The following MOB3B variants were observed in gnomAD, a reference collection of about 807,000 sequenced individuals.
The protein encoded by MOB3B is MOB kinase activator 3B, also known as MOB kinase activator-like 2B.
A neutral mutation model predicts 18.7 loss-of-function variants in MOB3B; 7 were observed. That is an observed-to-expected ratio of 0.37 (90% CI 0.21 to 0.70). The LOEUF (loss-of-function observed/expected upper bound fraction) is 0.70, where lower values mean the gene tolerates loss of function less well. MOB3B is among the 30% of genes least tolerant of loss of function. MOB3B has a pLI of 0.52. For synonymous variants in MOB3B, 111 were observed against 99.9 expected (o/e 1.11, Z -0.66); for missense variants, 253 against 281.3 (o/e 0.90, Z 0.72).
intron 2 of MOB3B, among the ~76,000 whole-genome samples, chr9:27,367,008 G>A (rs1190084273): frequency 6.6e-6 from 1 of 152,226 alleles, no homozygotes; most frequent in African/African-American, 2.4e-5. Context: ...CTTCAGGTCT[G>A]TTACCTGCTC....
chr9:27,371,774 G>A lies in MOB3B; in HGVS notation c.419-12538C>T, dbSNP rs769940603. ...AGCCTCTCAGCCTTAGCTGATTGTT[G>A]GCCAGCAGGAATATAGATCTAGGAC... On this transcript the variant is annotated intron_variant, in intron 2 of 3. Transcript: ENST00000262244. Among the ~76,000 whole-genome samples the A allele has an allele frequency of 5.3e-5, 8 of 152,008 alleles. No homozygotes were observed. The East Asian group carries it at 1.4e-3, about 26-fold the overall frequency.
chr9:27,389,727 C>T lies in MOB3B; in HGVS notation c.419-30491G>A, dbSNP rs552392743. Among the ~76,000 whole-genome samples the T allele has an allele frequency of 3.3e-5, 5 of 152,262 alleles. No individual in the cohort carries two copies. The South Asian group carries it at 1.0e-3, about 32-fold the overall frequency. On this transcript the variant is annotated intron_variant, in intron 2 of 3. Coordinates refer to ENST00000262244, the MANE Select transcript of MOB3B (RefSeq NM_024761.5). ...TGTATATGCTATGGAAACCACAGTG[C>T]TTGGTACATAGTAGTAAATAAATTA...
chr9:27,455,443 T>C lies in MOB3B; in HGVS notation c.108A>G (p.Ala36=). 3.1e-6 allele frequency: 5 copies of C among 1,614,258 alleles called. No individual in the cohort carries two copies. Among genetic ancestry groups the C allele is most frequent in the Non-Finnish European group, 4.2e-6 (5 of 1,180,046 alleles). ...QRFELHKRAQ[A]SLNSGVDLKA... ...TCAGGTCCACACCCGAGTTGAGGGA[T>C]GCCTGAGCCCGTTTGTGCAGCTCAA... The change falls in exon 2 of 4, where the codon GCA becomes GCG. Residue 36 remains alanine, a synonymous_variant. Transcript: ENST00000262244.
chr9:27,482,413 TG>T (rs892003681), intron 1 of MOB3B, among the ~76,000 whole-genome samples: 1 of 152,044 alleles, frequency 6.6e-6, no homozygotes. Flanking sequence ...AAAACGGCAA[TG>T]TTAAAAGGAA....
At chr9:27,341,639 CAGAG>C (rs1729762143) in intron 3 of MOB3B, among the ~76,000 whole-genome samples, 1 of 152,194 alleles carries the variant, frequency 6.6e-6, no homozygotes, top group Non-Finnish European at 1.5e-5. Flanking sequence ...CAAGCTCTCA[CAGAG>C]AGAAATTTGG....
At chr9:27,405,093 C>CTTTTTTTTTTTTTTTTTT in intron 2 of MOB3B, among the ~76,000 whole-genome samples, 1 of 48,370 alleles carries the variant, frequency 2.1e-5, no homozygotes, top group Non-Finnish European at 3.5e-5. Context: ...GAACCTTTGT[C>CTTTTTTTTTTTTTTTTTT]TTTTTTTTTT....
intron 3 of MOB3B, among the ~76,000 whole-genome samples, chr9:27,336,719 G>T (rs1820869005): frequency 6.6e-6 from 1 of 151,948 alleles, no homozygotes; most frequent in Non-Finnish European, 1.5e-5. Flanking sequence ...CTAGGGGGAG[G>T]AGTTCACGTA....
intron 1 of MOB3B, among the ~76,000 whole-genome samples, chr9:27,477,080 A>G (rs1819564291): frequency 6.6e-6 from 1 of 152,132 alleles, no homozygotes; most frequent in Admixed American, 6.5e-5. Flanking sequence ...ACTTTCCCTC[A>G]TAGTCAGACA....
At chr9:27,432,607 A>G in intron 2 of MOB3B, among the ~76,000 whole-genome samples, 1 of 152,170 alleles carries the variant, frequency 6.6e-6, no homozygotes, top group Non-Finnish European at 1.5e-5. Context: ...AGGTACTGTC[A>G]TTGACAATCC....
chr9:27,355,424 A>G (rs1358883890), intron 3 of MOB3B, among the ~76,000 whole-genome samples: 3 of 152,222 alleles, frequency 2.0e-5, no homozygotes, highest in Non-Finnish European at 4.4e-5. Flanking sequence ...ATTCTAAAAA[A>G]TGTACAACTA....
rs1820695417 is a variant in MOB3B at position 27,325,353 on chromosome 9, T to C, written c.*5234A>G. ...TATAGTCAAATGCTTAATACAATCA[T>C]AAATGGAACCAAAAATATAGTAAAC... is the stretch of plus-strand genomic sequence containing the variant. On this transcript the variant is annotated 3_prime_UTR_variant, in exon 4 of 4. Coordinates refer to ENST00000262244, the MANE Select transcript of MOB3B (RefSeq NM_024761.5). The C allele has an allele frequency of 1.3e-5, 2 of 152,202 alleles. No individual in the cohort carries two copies. Among genetic ancestry groups the C allele is most frequent in the South Asian group, 4.1e-4 (2 of 4,834 alleles). 9.4% of individuals were successfully genotyped at this position (152,202 alleles called of 1,614,324 possible).
rs910754776 is a variant in MOB3B, at chr9:27,350,972, G to A, written c.621+8062C>T. On this transcript the variant is annotated intron_variant, in intron 3 of 3. Transcript: ENST00000262244. ...GGCTGGAGTGTGATGGCACGATCTC[G>A]GCTCACTGCAACCTCCGCCTCCTGG... 6.0e-5 allele frequency among the ~76,000 whole-genome samples: 9 copies of A among 150,726 alleles called. No individual in the cohort carries two copies. In the East Asian group the frequency reaches 1.6e-3, roughly 26 times the overall value.
At chr9:27,411,785 A>G (rs1229783079) in intron 2 of MOB3B, among the ~76,000 whole-genome samples, 2 of 152,240 alleles carry the variant, frequency 1.3e-5, no homozygotes, top group Non-Finnish European at 2.9e-5. Context: ...GCCAAAACCC[A>G]TAGAACTATA....
At chr9:27,499,752 GT>G (rs567001249) in intron 1 of MOB3B, among the ~76,000 whole-genome samples, 1 of 150,750 alleles carries the variant, frequency 6.6e-6, no homozygotes, top group Non-Finnish European at 1.5e-5. Context: ...ATGGCTTTTG[GT>G]TTTTTTTTCT....
chr9:27,401,405 C>T (rs918058054), intron 2 of MOB3B, among the ~76,000 whole-genome samples: 1 of 152,212 alleles, frequency 6.6e-6, no homozygotes, highest in South Asian at 2.1e-4. Context: ...ATACAAGTCA[C>T]GTGACTGTCT....
intron 2 of MOB3B, among the ~76,000 whole-genome samples, chr9:27,413,768 A>T (rs1822108474): frequency 6.6e-6 from 1 of 152,148 alleles, no homozygotes; most frequent in Admixed American, 6.6e-5. Context: ...AGTATTAAGG[A>T]TTTTTCTAAG....
chr9:27,482,098 A>C (rs528562338), intron 1 of MOB3B, among the ~76,000 whole-genome samples: 2 of 152,356 alleles, frequency 1.3e-5, no homozygotes, highest in South Asian at 4.1e-4. Flanking sequence ...AAAGGGTGGA[A>C]TAAAAAAACA....
At chr9:27,494,037 GC>G (rs1200704398) in intron 1 of MOB3B, among the ~76,000 whole-genome samples, 1 of 152,122 alleles carries the variant, frequency 6.6e-6, no homozygotes, top group African/African-American at 2.4e-5. Flanking sequence ...CTTATAAACA[GC>G]CCCCACCCAG....
chr9:27,331,989 A>G (rs1276216601), intron 3 of MOB3B, among the ~76,000 whole-genome samples: 1 of 152,178 alleles, frequency 6.6e-6, no homozygotes, highest in Non-Finnish European at 1.5e-5. Context: ...ATCTATGTGT[A>G]TATCTAATTT....
Sources: gnomAD v4.1 joint callset for allele counts (sites outside exome capture counted in the v4.1 genomes callset) on GRCh38, gnomAD v4.1.1 for gene constraint, MANE v1.5 for transcripts, NCBI Gene and HGNC (gene_info 2026-07-23, HGNC 2026-07-21) for gene names.